The following FBN1 variants were observed in gnomAD, a reference collection of about 807,000 sequenced individuals.
FBN1 encodes fibrillin-1.
In FBN1, 29 loss-of-function variants were observed where a neutral mutation model predicts 365.1. The ratio of observed to expected loss-of-function variants is 0.08; its 90% CI spans 0.06 to 0.11. The LOEUF (loss-of-function observed/expected upper bound fraction) is 0.11, where lower values mean the gene tolerates loss of function less well. Among genes scored for constraint, FBN1 ranks in the 10% least tolerant of loss-of-function variants. The pLI, the probability that FBN1 is intolerant of heterozygous loss-of-function variation, is 1.00. For synonymous variants in FBN1, 1,210 were observed against 1,270.5 expected (o/e 0.95, Z 1.01); for missense variants, 2,476 against 3,703.2 (o/e 0.67, Z 8.60).
chr15:48,414,662 C>T (rs2042887929), intron 64 of FBN1, among the ~76,000 whole-genome samples: 2 of 152,138 alleles, frequency 1.3e-5, no homozygotes, highest in South Asian at 4.1e-4. Flanking sequence ...TTTGGGAGGT[C>T]AAGACGGGCA....
chr15:48,594,032 T>C (rs2044499309), intron 6 of FBN1, among the ~76,000 whole-genome samples: 1 of 152,160 alleles, frequency 6.6e-6, no homozygotes, highest in South Asian at 2.1e-4. Flanking sequence ...GATGGATCTG[T>C]CCTGACTCGG....
Sources: gnomAD v4.1 joint callset for allele counts (sites outside exome capture counted in the v4.1 genomes callset) on GRCh38, gnomAD v4.1.1 for gene constraint, MANE v1.5 for transcripts, NCBI Gene and HGNC (gene_info 2026-07-23, HGNC 2026-07-21) for gene names.